Variants in SMARCB1 observed in about 807,000 individuals in gnomAD.
The protein encoded by SMARCB1 is SWI/SNF related BAF chromatin remodeling complex subunit B1.
Under a neutral mutation model 49.0 loss-of-function variants are expected in SMARCB1, and 5 were observed. The ratio of observed to expected loss-of-function variants is 0.10; its 90% confidence interval spans 0.05 to 0.21. SMARCB1 has a LOEUF of 0.21. Among genes scored for constraint, SMARCB1 ranks in the 10% least tolerant of loss-of-function variants. The pLI, the probability that SMARCB1 is intolerant of heterozygous loss-of-function variation, is 1.00. For missense variants in SMARCB1, 226 were observed against 509.2 expected, an observed-to-expected ratio of 0.44 and a Z score of 5.35; for synonymous variants, 201 against 200.1, an observed-to-expected ratio of 1.00 and a Z score of -0.04.
chr22:23,787,392 T>TG (rs1239061128), intron 1 of SMARCB1, 130 bp downstream of exon 1: 1 of 476,798 alleles, frequency 2.1e-6, no homozygotes, highest in Non-Finnish European at 3.7e-6. Context: ...CTCGGGGCTG[T>TG]GGGGCGTGGC....
Position 23,834,874 on chromosome 22 carries a change from TCTG to T in SMARCB1, c.*698_*700del, listed in dbSNP as rs771808525. ...CCTGCCGTCCCTGGGCCGCCCTGGC[TCTG>T]CTGTGTCCAGATGGTCAGGCTACTG... On this transcript the variant is annotated 3_prime_UTR_variant, in exon 9 of 9. Transcript: ENST00000644036. The T allele has an allele frequency of 3.7e-6, 6 of 1,612,640 alleles. No homozygotes were observed. The highest frequency in any genetic ancestry group is 4.2e-6 in the Non-Finnish European group (5 of 1,179,804).
intron 3 of SMARCB1, among the ~76,000 whole-genome samples, chr22:23,794,827 G>T (rs1568937903): frequency 6.6e-6 from 1 of 152,142 alleles, no homozygotes; most frequent in Admixed American, 6.5e-5. Flanking sequence ...GAACCCGGGA[G>T]GTGGAGATTG....
At chr22:23,809,523 A>AC (rs1272838751) in intron 5 of SMARCB1, among the ~76,000 whole-genome samples, 4 of 148,198 alleles carry the variant, frequency 2.7e-5, no homozygotes, top group African/African-American at 5.0e-5. Context: ...TGATCCGCCC[A>AC]CCTCGGCCTC....
chr22:23,790,085 A>G (rs1011564161), intron 1 of SMARCB1, among the ~76,000 whole-genome samples: 1 of 152,168 alleles, frequency 6.6e-6, no homozygotes, highest in Non-Finnish European at 1.5e-5. Flanking sequence ...CAAGAGGGTG[A>G]AGGCTGGTTC....
At chr22:23,796,119 T>A (rs899344072) in intron 3 of SMARCB1, among the ~76,000 whole-genome samples, 1 of 152,150 alleles carries the variant, frequency 6.6e-6, no homozygotes, top group African/African-American at 2.4e-5. Flanking sequence ...TAAAGCATCC[T>A]GACATCAAAC....
In SMARCB1 at chr22:23,834,250, C is replaced by A. The variant is rs2146046085; in HGVS notation, c.*70C>A. 6.7e-7 allele frequency: 1 copy of A among 1,496,934 alleles called. No homozygotes were observed. The highest frequency in any genetic ancestry group is 9.1e-7 in the Non-Finnish European group (1 of 1,099,028). 92.7% of individuals were successfully genotyped at this position (1,496,934 alleles called of 1,614,324 possible). On this transcript the variant is annotated 3_prime_UTR_variant, in exon 9 of 9. Transcript: ENST00000644036. ...GGGCCGCCTCTCCTCCATCTTCTGG[C>A]AAGGACAGAGGCGAGGGGACAGCCC...
intron 7 of SMARCB1, among the ~76,000 whole-genome samples, chr22:23,829,702 T>C (rs935159373): frequency 6.6e-6 from 1 of 152,244 alleles, no homozygotes; most frequent in Non-Finnish European, 1.5e-5. Context: ...AACCATACAA[T>C]TCACACATTT....
intron 5 of SMARCB1, among the ~76,000 whole-genome samples, chr22:23,808,123 T>C (rs1349103653): frequency 6.7e-6 from 1 of 149,520 alleles, no homozygotes; most frequent in African/African-American, 2.5e-5. Context: ...GCCCGGCTAA[T>C]TTTTTGTATT....
At chr22:23,796,040 G>A (rs368534531) in intron 3 of SMARCB1, among the ~76,000 whole-genome samples, 3 of 152,072 alleles carry the variant, frequency 2.0e-5, no homozygotes, top group South Asian at 2.1e-4. Context: ...TAATCCTCCC[G>A]CCTCGGCCTC....
chr22:23,834,821 T>G lies in SMARCB1; in HGVS notation c.*641T>G. On this transcript the variant is annotated 3_prime_UTR_variant, in exon 9 of 9. Coordinates refer to ENST00000644036, the MANE Select transcript of SMARCB1 (RefSeq NM_003073.5). ...ACAGCCCTAACCCTGCTCCCCTTGCTTGGCCTCAGGAAGGTGCCGCGAGCT... is the reference window on the plus strand; with the variant it reads ...ACAGCCCTAACCCTGCTCCCCTTGCGTGGCCTCAGGAAGGTGCCGCGAGCT... The G allele has an allele frequency of 6.2e-7, 1 of 1,610,078 alleles. No individual in the cohort carries two copies. The highest frequency in any genetic ancestry group is 8.5e-7 in the Non-Finnish European group (1 of 1,178,504).
intron 5 of SMARCB1, among the ~76,000 whole-genome samples, chr22:23,814,199 G>A (rs1254358167): frequency 1.3e-5 from 2 of 152,158 alleles, no homozygotes; most frequent in East Asian, 3.9e-4. Context: ...ATATAGCTAC[G>A]ATAATCAAGG....
At chr22:23,797,969 C>A (rs1440683928) in intron 3 of SMARCB1, among the ~76,000 whole-genome samples, 3 of 152,116 alleles carry the variant, frequency 2.0e-5, no homozygotes. Context: ...TATGGCTGAG[C>A]ATGTTACTCA....
At chr22:23,812,025 C>A (rs2145999380) in intron 5 of SMARCB1, among the ~76,000 whole-genome samples, 1 of 152,300 alleles carries the variant, frequency 6.6e-6, no homozygotes, top group Middle Eastern at 3.4e-3. Context: ...ATACTGCAAA[C>A]AATTCTATAA....
intron 4 of SMARCB1, chr22:23,801,928 C>T (rs145200976): frequency 8.6e-4 from 139 of 162,238 alleles, no homozygotes; most frequent in African/African-American, 2.9e-3. Flanking sequence ...CTCTCCATCT[C>T]GGCGCGTGGA....
At chr22:23,790,619 G>A (rs551860900) in intron 1 of SMARCB1, among the ~76,000 whole-genome samples, 4 of 151,816 alleles carry the variant, frequency 2.6e-5, no homozygotes, top group African/African-American at 9.7e-5. Context: ...GAGGTGGGCA[G>A]ATCGCTTGAG....
intron 5 of SMARCB1, chr22:23,803,681 G>A: frequency 1.8e-6 from 1 of 570,200 alleles, no homozygotes; most frequent in Non-Finnish European, 3.2e-6. Flanking sequence ...GGAGGCGGCT[G>A]ATCTGCATAG....
intron 1 of SMARCB1, 116 bp from the exon 2 acceptor site, chr22:23,791,640 G>A (rs754914872): frequency 1.0e-4 from 100 of 981,020 alleles, no homozygotes; most frequent in African/African-American, 1.9e-4. Flanking sequence ...AAAGCGTGGC[G>A]CCTGGGGGCC....
Position 23,837,969 on chromosome 22 carries a change from C to G in SMARCB1, c.*3789C>G. On this transcript the variant is annotated 3_prime_UTR_variant, in exon 9 of 9. Transcript: ENST00000644036. ...TCTCCCCTATGTGCTATTCCCTCAT[C>G]AAGATGAGCCAGTCCAATAAAGGCG... is the stretch of plus-strand genomic sequence containing the variant. 7.9e-7 allele frequency: 1 copy of G among 1,270,230 alleles called. No individual in the cohort carries two copies. Among genetic ancestry groups the G allele is most frequent in the Non-Finnish European group, 1.1e-6 (1 of 939,346 alleles). The allele number at this position is 1,270,230 out of a possible 1,614,324, so 78.7% of individuals were successfully genotyped here. A position where few individuals can be genotyped will look rare whatever the true frequency, so the allele number is the denominator to read the frequency against.
chr22:23,787,703 A>G (rs997063680), intron 1 of SMARCB1, among the ~76,000 whole-genome samples: 40 of 152,204 alleles, frequency 2.6e-4, no homozygotes, highest in Non-Finnish European at 1.3e-4. Flanking sequence ...GAAACCCTGG[A>G]CTTAGTGAGG....
Sources: gnomAD v4.1 joint callset for allele counts (sites outside exome capture counted in the v4.1 genomes callset) on GRCh38, gnomAD v4.1.1 for gene constraint, MANE v1.5 for transcripts, NCBI Gene and HGNC (gene_info 2026-07-23, HGNC 2026-07-21) for gene names.